Variants in TMCC1 observed in about 807,000 individuals in gnomAD.
TMCC1 encodes transmembrane and coiled-coil domain family 1, also known as transmembrane and coiled-coil domains protein 1.
TMCC1 carries 15 observed loss-of-function variants against 52.4 expected under a neutral mutation model. The ratio of observed to expected loss-of-function variants is 0.29; its 90% CI spans 0.19 to 0.44. TMCC1 has a LOEUF of 0.44. TMCC1 is among the 20% of genes least tolerant of loss of function. TMCC1 has a pLI of 1.00. For missense variants in TMCC1, 503 were observed against 806.0 expected (o/e 0.62, Z 4.55); for synonymous variants, 279 against 301.9 (o/e 0.92, Z 0.79).
intron 4 of TMCC1, among the ~76,000 whole-genome samples, chr3:129,721,704 C>CAAAAAAAAAAAA (rs765601986): frequency 5.3e-5 from 4 of 76,020 alleles, no homozygotes; most frequent in African/African-American, 8.5e-5. Flanking sequence ...ACTAAAAATA[C>CAAAAAAAAAAAA]AAAAAAAAAA....
rs571678685 is a variant in TMCC1, at chr3:129,886,577, A to G, written c.-434-6018T>C. ...AATGGAATATTACTATGCCATAAGA[A>G]AGGAATGAAGTACTGATACTTGCTA... On this transcript the variant is annotated intron_variant, in intron 1 of 6. Transcript: ENST00000393238. 1.1e-4 allele frequency among the ~76,000 whole-genome samples: 16 copies of G among 152,306 alleles called. No homozygotes were observed. In the South Asian group the frequency reaches 3.3e-3, roughly 32 times the overall value.
intron 1 of TMCC1, among the ~76,000 whole-genome samples, chr3:129,882,016 A>T (rs1012240299): frequency 1.3e-5 from 2 of 152,118 alleles, no homozygotes; most frequent in Non-Finnish European, 2.9e-5. Flanking sequence ...AGAGCAAAAA[A>T]CTCAAAAGAA....
At chr3:129,802,001 C>G (rs1210700401) in intron 4 of TMCC1, among the ~76,000 whole-genome samples, 1 of 152,198 alleles carries the variant, frequency 6.6e-6, no homozygotes, top group Admixed American at 6.5e-5. Context: ...AAAATTAGCA[C>G]TTTGAAGGAT....
At position 129,853,062 on chromosome 3, in the gene TMCC1, C is replaced by A. The variant is rs114114571; in HGVS notation, c.-183-20236G>T. Among the ~76,000 whole-genome samples the A allele has an allele frequency of 1.2e-3, 185 of 152,242 alleles. 1 individual carries two copies. The highest frequency in any genetic ancestry group is 4.4e-3 in the African/African-American group (182 of 41,540). On this transcript the variant is annotated intron_variant, in intron 2 of 6. Coordinates refer to ENST00000393238, the MANE Select transcript of TMCC1 (RefSeq NM_001017395.5). ...GCATTTCTGGGAAGCACTACAACTA[C>A]TGATTCAATCATTCATGAAGTATTT...
chr3:129,755,988 C>A (rs574184076), intron 4 of TMCC1, among the ~76,000 whole-genome samples: 8 of 151,752 alleles, frequency 5.3e-5, no homozygotes, highest in Non-Finnish European at 7.4e-5. Flanking sequence ...ATCCCTGCTA[C>A]GCAGGAGGCT....
rs375617929 is a variant in TMCC1, at chr3:129,655,164, T to C, written c.1512-61A>G. Reference sequence around the variant, plus strand: ...TCTGTGAATATCTTTCCTGGCATTATTTACATCCAACTCCCAAAACACATT... The same window carrying C: ...TCTGTGAATATCTTTCCTGGCATTACTTACATCCAACTCCCAAAACACATT... On this transcript the variant is annotated intron_variant, in intron 5 of 6. Coordinates refer to ENST00000393238, the MANE Select transcript of TMCC1 (RefSeq NM_001017395.5). 47 of 1,579,264 alleles carry C rather than the reference T, an allele frequency of 3.0e-5. No homozygotes were observed. In the African/African-American group the frequency reaches 6.2e-4, roughly 21 times the overall value.
At chr3:129,801,901 A>G (rs2057219378) in intron 4 of TMCC1, among the ~76,000 whole-genome samples, 1 of 152,232 alleles carries the variant, frequency 6.6e-6, no homozygotes, top group Admixed American at 6.5e-5. Context: ...GATCATGTAC[A>G]GTGACAGTTC....
chr3:129,676,758 GTCACCTACTTGTTCTCTT>G (rs2088484722), intron 4 of TMCC1, among the ~76,000 whole-genome samples: 1 of 152,110 alleles, frequency 6.6e-6, no homozygotes, highest in South Asian at 2.1e-4. Flanking sequence ...GTGGTTTTGG[GTCACCTACTTGTTCTCTT>G]TCAACCTTAG....
At chr3:129,849,306 T>C (rs113875288) in intron 2 of TMCC1, among the ~76,000 whole-genome samples, 4 of 151,316 alleles carry the variant, frequency 2.6e-5, no homozygotes, top group African/African-American at 9.7e-5. Flanking sequence ...CTACTAAAAA[T>C]ACAAAAAGCT....
At chr3:129,774,125 G>A (rs903793269) in intron 4 of TMCC1, among the ~76,000 whole-genome samples, 5 of 152,128 alleles carry the variant, frequency 3.3e-5, no homozygotes, top group Non-Finnish European at 5.9e-5. Context: ...TTGGAGAAAT[G>A]TAGCCAATTC....
chr3:129,719,906 C>T (rs1201457751), intron 4 of TMCC1, among the ~76,000 whole-genome samples: 2 of 151,998 alleles, frequency 1.3e-5, no homozygotes, highest in East Asian at 1.9e-4. Flanking sequence ...TGGCCAGGCA[C>T]GGTGTCTCAT....
chr3:129,807,022 A>G (rs1342330393), intron 4 of TMCC1, among the ~76,000 whole-genome samples: 2 of 152,214 alleles, frequency 1.3e-5, no homozygotes, highest in African/African-American at 4.8e-5. Flanking sequence ...GCTATATGTG[A>G]TAACATGGAT....
At chr3:129,884,588 C>T (rs2061606115) in intron 1 of TMCC1, among the ~76,000 whole-genome samples, 1 of 152,182 alleles carries the variant, frequency 6.6e-6, no homozygotes, top group South Asian at 2.1e-4. Context: ...AAATCACAGT[C>T]AATATTATTT....
At position 129,792,452 on chromosome 3, in the gene TMCC1, A is replaced by C. The variant is rs371440657; in HGVS notation, c.576+35351T>G. Among the ~76,000 whole-genome samples, 12 of 152,040 alleles carry C rather than the reference A, an allele frequency of 7.9e-5. 1 individual carries two copies. Among genetic ancestry groups the C allele is most frequent in the Admixed American group, 3.3e-4 (5 of 15,266 alleles). On this transcript the variant is annotated intron_variant, in intron 4 of 6. Transcript: ENST00000393238. ...AGCCTCTGCCTCCTGGGTTCAAGCG[A>C]TTCTCCTGCGTCGTCAGCCTCCCAA...
At chr3:129,845,501 A>G (rs1186097868) in intron 2 of TMCC1, among the ~76,000 whole-genome samples, 1 of 152,244 alleles carries the variant, frequency 6.6e-6, no homozygotes, top group Non-Finnish European at 1.5e-5. Context: ...TCAGAAGTCT[A>G]TAATTTTCAA....
intron 1 of TMCC1, among the ~76,000 whole-genome samples, chr3:129,880,969 T>C (rs553028544): frequency 3.5e-4 from 53 of 151,910 alleles, no homozygotes; most frequent in African/African-American, 1.2e-3. Context: ...GTTCAAGCGA[T>C]TCTCCTGCCT....
chr3:129,718,121 C>G (rs1178994349), intron 4 of TMCC1, among the ~76,000 whole-genome samples: 1 of 152,110 alleles, frequency 6.6e-6, no homozygotes, highest in African/African-American at 2.4e-5. Flanking sequence ...AAAACATATG[C>G]AGACACTAAG....
intron 4 of TMCC1, among the ~76,000 whole-genome samples, chr3:129,741,863 A>G (rs887783648): frequency 6.6e-6 from 1 of 152,134 alleles, no homozygotes; most frequent in African/African-American, 2.4e-5. Context: ...TCTTACTTAT[A>G]TACAACACAG....
At chr3:129,679,800 A>G (rs2088813900) in intron 4 of TMCC1, among the ~76,000 whole-genome samples, 1 of 152,220 alleles carries the variant, frequency 6.6e-6, no homozygotes, top group African/African-American at 2.4e-5. Context: ...AAAATTGTGC[A>G]TGGCACTTAG....
Sources: allele counts gnomAD v4.1 joint callset (sites outside exome capture counted in the v4.1 genomes callset), GRCh38; gene constraint gnomAD v4.1.1; transcripts MANE v1.5; gene names NCBI Gene and HGNC (gene_info 2026-07-23, HGNC 2026-07-21).